The following ZNF385D variants were observed in gnomAD, a reference collection of about 807,000 sequenced individuals.
ZNF385D encodes the protein zinc finger protein 659.
In ZNF385D, 15 loss-of-function variants were observed where a neutral mutation model predicts 35.8. The ratio of observed to expected loss-of-function variants is 0.42; its 90% CI spans 0.28 to 0.64. The LOEUF is 0.64. Among genes scored for constraint, ZNF385D ranks in the 30% least tolerant of loss-of-function variants. ZNF385D has a pLI of 0.23. For synonymous variants in ZNF385D, 212 were observed against 186.8 expected (o/e 1.13, Z -1.10); for missense variants, 474 against 494.6 (o/e 0.96, Z 0.39).
intron 3 of ZNF385D, among the ~76,000 whole-genome samples, chr3:22,091,590 G>GA (rs36109971): frequency 0.23 from 34,080 of 150,472 alleles, 4,126 homozygotes; most frequent in Non-Finnish European, 0.26. Context: ...TACCCAGTAG[G>GA]AAAAAAAAAG....
intron 4 of ZNF385D, among the ~76,000 whole-genome samples, chr3:21,461,714 A>T (rs1703189818): frequency 6.6e-6 from 1 of 152,224 alleles, no homozygotes; most frequent in South Asian, 2.1e-4. Context: ...TTGCGCAGCA[A>T]CTAATTAGGT....
intron 2 of ZNF385D, among the ~76,000 whole-genome samples, chr3:22,295,665 A>T (rs1006372380): frequency 6.6e-6 from 1 of 152,152 alleles, no homozygotes; most frequent in Non-Finnish European, 1.5e-5. Flanking sequence ...AGAAAAATAT[A>T]AACATAAAAG....
Position 21,419,990 on chromosome 3 carries a change from A to T in ZNF385D, c.*1224T>A, listed in dbSNP as rs898997450. 1.3e-5 allele frequency: 2 copies of T among 152,098 alleles called. No homozygotes were observed. Among genetic ancestry groups the T allele is most frequent in the African/African-American group, 4.8e-5 (2 of 41,418 alleles). The allele number at this position is 152,098 out of a possible 1,614,324, so 9.4% of individuals were successfully genotyped here. A position where few individuals can be genotyped will look rare whatever the true frequency, so the allele number is the denominator to read the frequency against. On this transcript the variant is annotated 3_prime_UTR_variant, in exon 8 of 8. Transcript: ENST00000281523. ...CACTGGAGAAATAATTGTCGAGTGG[A>T]ACTTACCAGTATTTTTTAACACTAT... is the stretch of plus-strand genomic sequence containing the variant.
At chr3:22,310,041 T>C (rs977621217) in intron 2 of ZNF385D, among the ~76,000 whole-genome samples, 2 of 152,004 alleles carry the variant, frequency 1.3e-5, no homozygotes, top group Admixed American at 6.6e-5. Flanking sequence ...GGGATGAGGA[T>C]TGATCCAAGC....
intron 2 of ZNF385D, among the ~76,000 whole-genome samples, chr3:22,229,354 A>G (rs913696511): frequency 3.3e-5 from 5 of 152,168 alleles, no homozygotes; most frequent in Admixed American, 2.0e-4. Flanking sequence ...TGTGACCCCA[A>G]CTTAGGTTGT....
intron 3 of ZNF385D, among the ~76,000 whole-genome samples, chr3:21,960,560 T>G (rs1479228055): frequency 6.6e-6 from 1 of 151,962 alleles, no homozygotes; most frequent in Admixed American, 6.6e-5. Flanking sequence ...AAAACTACCA[T>G]AAGATCCAGC....
intron 3 of ZNF385D, among the ~76,000 whole-genome samples, chr3:21,781,849 C>G (rs184308355): frequency 6.6e-6 from 1 of 152,098 alleles, no homozygotes; most frequent in East Asian, 1.9e-4. Flanking sequence ...TAATTGACCA[C>G]TCTAGCAATG....
chr3:21,517,675 C>T (rs757023352), intron 3 of ZNF385D, among the ~76,000 whole-genome samples: 6 of 152,106 alleles, frequency 3.9e-5, no homozygotes, highest in Non-Finnish European at 8.8e-5. Flanking sequence ...TAGTTGCATA[C>T]GGTAATCTGA....
At chr3:21,700,658 G>T (rs2067648871) in intron 1 of ZNF385D, among the ~76,000 whole-genome samples, 1 of 152,132 alleles carries the variant, frequency 6.6e-6, no homozygotes, top group Admixed American at 6.5e-5. Context: ...GTAAAACGGT[G>T]AAGAAAGATA....
At chr3:21,730,098 G>T (rs543995469) in intron 1 of ZNF385D, among the ~76,000 whole-genome samples, 37 of 152,250 alleles carry the variant, frequency 2.4e-4, no homozygotes, top group Non-Finnish European at 4.4e-4. Context: ...ACAACCTCCC[G>T]AAGAGACAGA....
intron 3 of ZNF385D, among the ~76,000 whole-genome samples, chr3:22,074,040 G>C (rs1700352200): frequency 6.6e-6 from 1 of 151,732 alleles, no homozygotes; most frequent in Non-Finnish European, 1.5e-5. Flanking sequence ...CTTAAAATTT[G>C]GCTTCTGATT....
chr3:21,466,285 T>C (rs915372260), intron 4 of ZNF385D, among the ~76,000 whole-genome samples: 1 of 152,202 alleles, frequency 6.6e-6, no homozygotes, highest in African/African-American at 2.4e-5. Context: ...TGTTCTAGAC[T>C]CATCTTTCAC....
At chr3:21,473,074 C>T (rs1704007632) in intron 4 of ZNF385D, among the ~76,000 whole-genome samples, 1 of 152,138 alleles carries the variant, frequency 6.6e-6, no homozygotes. Flanking sequence ...GATTTCACTC[C>T]TAACTTCTAA....
chr3:21,992,750 T>C (rs922946580), intron 3 of ZNF385D, among the ~76,000 whole-genome samples: 6 of 152,214 alleles, frequency 3.9e-5, no homozygotes. Flanking sequence ...TTCTAGTCTA[T>C]GGCTGTTTCA....
At chr3:21,814,504 G>T (rs151256579) in intron 3 of ZNF385D, among the ~76,000 whole-genome samples, 416 of 151,826 alleles carry the variant, frequency 2.7e-3, no homozygotes, top group African/African-American at 9.0e-3. Flanking sequence ...CCAAGCAAAT[G>T]GAAAACAAAA....
At chr3:21,983,242 C>T (rs1212235406) in intron 3 of ZNF385D, among the ~76,000 whole-genome samples, 156 of 143,852 alleles carry the variant, frequency 1.1e-3, no homozygotes, top group African/African-American at 3.8e-3. Flanking sequence ...TATACATGTG[C>T]CATGCTGGTG....
At chr3:22,127,279 G>GA (rs1703488431) in intron 3 of ZNF385D, among the ~76,000 whole-genome samples, 1 of 132,770 alleles carries the variant, frequency 7.5e-6, no homozygotes, top group Non-Finnish European at 1.6e-5. Flanking sequence ...TTCTTTTTGT[G>GA]AAAGTGATCT....
At chr3:21,903,821 T>C (rs1699537567) in intron 3 of ZNF385D, among the ~76,000 whole-genome samples, 1 of 152,140 alleles carries the variant, frequency 6.6e-6, no homozygotes. Context: ...GCAGAAAGAC[T>C]TTCCTGTGAG....
intron 1 of ZNF385D, among the ~76,000 whole-genome samples, chr3:21,749,957 G>GGATTCATT (rs1559582583): frequency 6.6e-6 from 1 of 151,504 alleles, no homozygotes; most frequent in African/African-American, 2.4e-5. Context: ...TTTGCATCTT[G>GGATTCATT]GATACATTTC....
Sources: gnomAD v4.1 joint callset for allele counts (sites outside exome capture counted in the v4.1 genomes callset) on GRCh38, gnomAD v4.1.1 for gene constraint, MANE v1.5 for transcripts, NCBI Gene and HGNC (gene_info 2026-07-23, HGNC 2026-07-21) for gene names.